The following GNL3L variants were observed in gnomAD, a reference collection of about 807,000 sequenced individuals.
The protein encoded by GNL3L is guanine nucleotide-binding protein-like 3-like protein.
A neutral mutation model predicts 42.9 loss-of-function variants in GNL3L; 4 were observed. That is an observed-to-expected ratio of 0.09 (90% CI 0.05 to 0.21). The LOEUF (loss-of-function observed/expected upper bound fraction) is 0.21, where lower values mean the gene tolerates loss of function less well. Among genes scored for constraint, GNL3L ranks in the 10% least tolerant of loss-of-function variants. GNL3L has a pLI of 1.00. For synonymous variants in GNL3L, 159 were observed against 176.3 expected, an observed-to-expected ratio of 0.90 and a Z score of 0.78; for missense variants, 412 against 481.7, an observed-to-expected ratio of 0.86 and a Z score of 1.36.
intron 8 of GNL3L, among the ~76,000 whole-genome samples, chrX:54,546,371 T>C (rs12395280): frequency 0.15 from 17,075 of 110,976 alleles, 2,159 homozygotes; most frequent in African/African-American, 0.42. Flanking sequence ...AATACCCTTG[T>C]ACATGTCTCC....
chrX:54,643,909 A>G, the GNL3L span, among the ~76,000 whole-genome samples: 52 of 112,079 alleles, frequency 4.6e-4, no homozygotes, highest in Non-Finnish European at 9.2e-4. Flanking sequence ...TTCACTTAAC[A>G]TAATGTCATG....
chrX:54,530,822 G>C (rs997250399), intron 1 of GNL3L, among the ~76,000 whole-genome samples: 6 of 111,668 alleles, frequency 5.4e-5, no homozygotes, highest in African/African-American at 2.0e-4. Context: ...CCTCAGGACA[G>C]ACAGAGGCTT....
At chrX:54,579,194 T>G (rs1353005490) in intron 16 of GNL3L, among the ~76,000 whole-genome samples, 2 of 111,850 alleles carry the variant, frequency 1.8e-5, no homozygotes, top group African/African-American at 6.5e-5. Flanking sequence ...AACCATGTCT[T>G]TCACAGAGCA....
intron 1 of GNL3L, among the ~76,000 whole-genome samples, chrX:54,531,815 C>A (rs951619351): frequency 9.0e-6 from 1 of 111,419 alleles, no homozygotes; most frequent in Non-Finnish European, 1.9e-5. Context: ...ATGCACACAG[C>A]CACTTTGTGG....
Position 54,566,218 on chromosome X carries a change from TAC to T in GNL3L, c.*5620_*5621del, listed in dbSNP as rs1925424309. Among the ~76,000 whole-genome samples the T allele has an allele frequency of 8.9e-6, 1 of 111,869 alleles. No individual in the cohort carries two copies. The highest frequency in any genetic ancestry group is 3.2e-5 in the African/African-American group (1 of 30,783). ...TTTATTTTTAAAAATTATGGTAAAA[TAC>T]ACAGAACATAAACGTTACCATCTGA... On this transcript the variant is annotated 3_prime_UTR_variant, in exon 16 of 16. Coordinates refer to ENST00000360845, the MANE Select transcript of GNL3L (RefSeq NM_001184819.2).
chrX:54,607,064 CT>C lies in GNL3L; in HGVS notation c.*46-13778del, dbSNP rs1472865630. The stretch of plus-strand genomic sequence containing the variant: ...TCTTTCTTTCTTTCTTTCTTTCTTT[CT>C]TTCTTTCTCTTTCTTTCTTCTTTCT... On this transcript the variant is annotated intron_variant, in intron 16 of 16. Transcript: ENST00000674498. Among the ~76,000 whole-genome samples the C allele has an allele frequency of 4.6e-3, 191 of 41,942 alleles. 5 individuals carry two copies. The highest frequency in any genetic ancestry group is 0.014 in the African/African-American group (112 of 7,887). The allele number at this position is 41,942 out of a possible 115,157, so 36.4% of individuals were successfully genotyped here. A position where few individuals can be genotyped will look rare whatever the true frequency, so the allele number is the denominator to read the frequency against.
intron 16 of GNL3L, among the ~76,000 whole-genome samples, chrX:54,612,134 G>A (rs1288479933): frequency 2.7e-5 from 3 of 111,700 alleles, no homozygotes; most frequent in Non-Finnish European, 5.7e-5. Context: ...TTAGGATTGT[G>A]ATATTTTCCT....
At chrX:54,539,305 T>A (rs1924542856) in intron 3 of GNL3L, among the ~76,000 whole-genome samples, 1 of 111,577 alleles carries the variant, frequency 9.0e-6, no homozygotes, top group African/African-American at 3.3e-5. Context: ...CGTGCTTGAT[T>A]TACCTTGGTA....
At chrX:54,546,987 T>TAG (rs1277415341) in intron 8 of GNL3L, among the ~76,000 whole-genome samples, 2 of 108,752 alleles carry the variant, frequency 1.8e-5, no homozygotes, top group Non-Finnish European at 3.8e-5. Flanking sequence ...CGCCTTTTCT[T>TAG]TCTTTTTTTT....
chrX:54,630,689 C>CCTTCCTTA, the GNL3L span, among the ~76,000 whole-genome samples: 4 of 470 alleles, frequency 8.5e-3, no homozygotes, highest in Admixed American at 0.054. Flanking sequence ...TTCCTTCCTT[C>CCTTCCTTA]CTTCCTTCCT....
intron 16 of GNL3L, among the ~76,000 whole-genome samples, chrX:54,611,820 G>T (rs1926163937): frequency 8.9e-6 from 1 of 111,821 alleles, no homozygotes; most frequent in South Asian, 3.7e-4. Flanking sequence ...TAAATTTACT[G>T]AGGCTAATTT....
In GNL3L at chrX:54,607,109, C is replaced by CTT. The variant is rs1480200983; in HGVS notation, c.*46-13734_*46-13733dup. On this transcript the variant is annotated intron_variant, in intron 16 of 16. Coordinates refer to the GNL3L transcript ENST00000674498. The stretch of plus-strand genomic sequence containing the variant: ...TCTTTCTTTCTTTCTTTCTTTCTTT[C>CTT]TTTCTTTCTTTCTTTCTTTCTTTCT... Among the ~76,000 whole-genome samples the CTT allele has an allele frequency of 3.1e-3, 215 of 69,349 alleles. 2 individuals carry two copies. The highest frequency in any genetic ancestry group is 5.1e-3 in the Non-Finnish European group (195 of 38,308). 60.2% of individuals were successfully genotyped at this position (69,349 alleles called of 115,157 possible). A position where few individuals can be genotyped will look rare whatever the true frequency, so the allele number is the denominator to read the frequency against.
chrX:54,560,533 C>A lies in GNL3L; in HGVS notation c.1680C>A (p.Ser560Arg). Residue 560 changes from serine to arginine, a missense_variant, in exon 16 of 16, where the codon AGC becomes AGA. Transcript: ENST00000360845. ...KMQKRADKIA[S>R]KLSDSMMSAL... The stretch of plus-strand genomic sequence containing the variant: ...CTCCATTTGCAGATAAAATCGCCAG[C>A]AAGCTGTCTGATTCCATGATGTCTG... The A allele has an allele frequency of 8.5e-7, 1 of 1,170,499 alleles. No individual in the cohort carries two copies. Among genetic ancestry groups the A allele is most frequent in the Non-Finnish European group, 1.2e-6 (1 of 858,164 alleles).
chrX:54,542,904 C>G (rs761243047), intron 5 of GNL3L, 51 bp from the exon 6 acceptor site: 1 of 775,501 alleles, frequency 1.3e-6, no homozygotes, highest in African/African-American at 2.0e-5. Context: ...TTCTCTTTCT[C>G]GCTCTCTCCC....
chrX:54,549,743 C>G (rs1016357098), intron 9 of GNL3L, among the ~76,000 whole-genome samples: 1 of 112,239 alleles, frequency 8.9e-6, no homozygotes, highest in Admixed American at 9.5e-5. Context: ...CGCATGTGCC[C>G]ACATACACTT....
At chrX:54,575,157 T>C (rs1925616464) in intron 16 of GNL3L, among the ~76,000 whole-genome samples, 1 of 112,255 alleles carries the variant, frequency 8.9e-6, no homozygotes, top group African/African-American at 3.2e-5. Flanking sequence ...TTTGGTTTGC[T>C]TTGGGTTCAG....
chrX:54,593,137 T>C (rs1036831527), intron 16 of GNL3L, among the ~76,000 whole-genome samples: 19 of 111,983 alleles, frequency 1.7e-4, no homozygotes, highest in African/African-American at 6.2e-4. Context: ...ACTAGCTTAA[T>C]AGAATGAGTT....
chrX:54,549,959 TGAG>T (rs774186397), intron 9 of GNL3L, among the ~76,000 whole-genome samples: 1 of 103,181 alleles, frequency 9.7e-6, no homozygotes, highest in African/African-American at 3.5e-5. Context: ...CCCACAGAGA[TGAG>T]GAGCATGGAC....
chrX:54,618,987 A>T (rs768906174), intron 16 of GNL3L, among the ~76,000 whole-genome samples: 4 of 111,894 alleles, frequency 3.6e-5, no homozygotes, highest in Non-Finnish European at 7.5e-5. Flanking sequence ...ACCAGTCTTC[A>T]CTTGCCAGAT....
Sources: allele counts gnomAD v4.1 joint callset (sites outside exome capture counted in the v4.1 genomes callset), GRCh38; gene constraint gnomAD v4.1.1; transcripts MANE v1.5; gene names NCBI Gene and HGNC (gene_info 2026-07-23, HGNC 2026-07-21).